Variants in DCDC2 observed in about 807,000 individuals in gnomAD.
The protein encoded by DCDC2 is doublecortin domain-containing protein 2.
Under a neutral mutation model 50.2 loss-of-function variants are expected in DCDC2, and 40 were observed. That is an observed-to-expected ratio of 0.80 (90% CI 0.62 to 1.04). The LOEUF (loss-of-function observed/expected upper bound fraction) is 1.04. DCDC2 is among the 50% of genes least tolerant of loss of function. The probability of loss-of-function intolerance (pLI) is 0.00; values close to 1 mark genes in which losing one functional copy is unlikely to be tolerated. For missense variants in DCDC2, 570 were observed against 581.9 expected, an observed-to-expected ratio of 0.98 and a Z score of 0.21; for synonymous variants, 234 against 210.6, an observed-to-expected ratio of 1.11 and a Z score of -0.96.
At chr6:24,303,393 G>A (rs1759417958) in intron 2 of DCDC2, among the ~76,000 whole-genome samples, 1 of 151,988 alleles carries the variant, frequency 6.6e-6, no homozygotes, top group African/African-American at 2.4e-5. Context: ...GAACCAGCCT[G>A]CTCCCCTCCA....
chr6:24,253,781 T>C (rs1260719671), intron 7 of DCDC2, among the ~76,000 whole-genome samples: 1 of 152,136 alleles, frequency 6.6e-6, no homozygotes, highest in African/African-American at 2.4e-5. Flanking sequence ...TCTGGGTGAG[T>C]CAGTGAGTCA....
chr6:24,261,214 T>TTC (rs1409252305), intron 7 of DCDC2, among the ~76,000 whole-genome samples: 1 of 151,676 alleles, frequency 6.6e-6, no homozygotes, highest in Non-Finnish European at 1.5e-5. Flanking sequence ...CTTTTTTTTT[T>TTC]TTTTTGGTGT....
rs6914340 is a variant in DCDC2, at chr6:24,271,360, G to A, written c.922+6689C>T. ...GTAAGGCAAGAAGCAAAGAGGCCCT[G>A]CTTAGAAGTAATGGGTAGCATCTAT... On this transcript the variant is annotated intron_variant, in intron 7 of 9. Transcript: ENST00000378454. Among the ~76,000 whole-genome samples the A allele has an allele frequency of 3.7e-3, 558 of 152,254 alleles. 2 individuals carry two copies. The highest frequency in any genetic ancestry group is 0.013 in the African/African-American group (522 of 41,530).
chr6:24,380,983 C>A, the DCDC2 span, among the ~76,000 whole-genome samples: 1 of 151,218 alleles, frequency 6.6e-6, no homozygotes, highest in Admixed American at 6.6e-5. Context: ...ACTTGGGAGG[C>A]TGAGGTGGGA....
chr6:24,289,406 A>G (rs970283125), intron 5 of DCDC2, among the ~76,000 whole-genome samples: 5 of 152,216 alleles, frequency 3.3e-5, no homozygotes, highest in African/African-American at 9.6e-5. Flanking sequence ...GGCTGTAAGA[A>G]TAAGTTGTTT....
At chr6:24,251,203 G>A (rs959390149) in intron 7 of DCDC2, among the ~76,000 whole-genome samples, 1 of 152,130 alleles carries the variant, frequency 6.6e-6, no homozygotes, top group Non-Finnish European at 1.5e-5. Context: ...CTAGCAAATC[G>A]CCTTGGTTGA....
intron 8 of DCDC2, among the ~76,000 whole-genome samples, chr6:24,194,400 C>A (rs1184130984): frequency 6.6e-6 from 1 of 152,102 alleles, no homozygotes; most frequent in Non-Finnish European, 1.5e-5. Context: ...TTTTTCAATT[C>A]TCATTATTTT....
chr6:24,301,052 T>TAA (rs11404583), intron 4 of DCDC2, among the ~76,000 whole-genome samples: 16,497 of 147,248 alleles, frequency 0.11, 1,195 homozygotes, highest in African/African-American at 0.22. Context: ...ATGACCCCTT[T>TAA]AAAAAAAAAA....
At chr6:24,185,726 CATAT>C (rs55962607) in intron 8 of DCDC2, among the ~76,000 whole-genome samples, 8 of 134,988 alleles carry the variant, frequency 5.9e-5, no homozygotes, top group African/African-American at 1.6e-4. Context: ...CACACACACA[CATAT>C]ACACACAGAT....
rs1377327863 is a variant in DCDC2, at chr6:24,253,775, G to GGTGAGTCA, written c.922+24266_922+24273dup. On this transcript the variant is annotated intron_variant, in intron 7 of 9. Coordinates refer to ENST00000378454, the MANE Select transcript of DCDC2 (RefSeq NM_016356.5). ...GCTTGCAGGACTAGAAGTTGCTCTG[G>GGTGAGTCA]GTGAGTCAGTGAGTCAGTGGTGAGT... 2.6e-5 allele frequency among the ~76,000 whole-genome samples: 4 copies of GGTGAGTCA among 152,248 alleles called. No homozygotes were observed. In the East Asian group the frequency reaches 7.7e-4, roughly 29 times the overall value.
intron 2 of DCDC2, among the ~76,000 whole-genome samples, chr6:24,343,277 C>T (rs1284705264): frequency 2.0e-5 from 3 of 151,980 alleles, no homozygotes; most frequent in African/African-American, 7.3e-5. Flanking sequence ...TCTCGATCTC[C>T]TGACTTCGTG....
At chr6:24,328,915 G>A (rs1232724102) in intron 2 of DCDC2, among the ~76,000 whole-genome samples, 1 of 152,154 alleles carries the variant, frequency 6.6e-6, no homozygotes, top group Non-Finnish European at 1.5e-5. Context: ...TCCGATACAT[G>A]ATAGATATTT....
intron 6 of DCDC2, among the ~76,000 whole-genome samples, chr6:24,278,542 A>G (rs807725): frequency 0.99 from 150,419 of 152,308 alleles, 74,305 homozygotes; most frequent in Middle Eastern, 1. Flanking sequence ...AGACACTACT[A>G]TTACCACGTC....
At chr6:24,222,260 G>A (rs567842815) in intron 7 of DCDC2, among the ~76,000 whole-genome samples, 2 of 152,258 alleles carry the variant, frequency 1.3e-5, no homozygotes, top group East Asian at 1.9e-4. Context: ...TCTAGCGGGC[G>A]CCTTGAAGAG....
chr6:24,308,920 G>C (rs1759523509), intron 2 of DCDC2, among the ~76,000 whole-genome samples: 2 of 152,100 alleles, frequency 1.3e-5, no homozygotes, highest in South Asian at 4.1e-4. Flanking sequence ...ACTGTTGCCA[G>C]ACCCATGCTA....
At chr6:24,193,165 GA>G (rs531518019) in intron 8 of DCDC2, among the ~76,000 whole-genome samples, 10 of 147,070 alleles carry the variant, frequency 6.8e-5, no homozygotes, top group South Asian at 6.4e-4. Flanking sequence ...TTTGATTAGA[GA>G]AAAAAAAAAG....
At chr6:24,192,258 A>T (rs565493564) in intron 8 of DCDC2, among the ~76,000 whole-genome samples, 4 of 152,322 alleles carry the variant, frequency 2.6e-5, no homozygotes, top group African/African-American at 9.6e-5. Context: ...CTTATCAACA[A>T]GGCAAAAGAC....
At chr6:24,340,241 C>T (rs2127247307) in intron 2 of DCDC2, among the ~76,000 whole-genome samples, 1 of 152,172 alleles carries the variant, frequency 6.6e-6, no homozygotes, top group South Asian at 2.1e-4. Context: ...TACATCATTC[C>T]TTCCAGGAAG....
At chr6:24,323,724 C>A (rs562921372) in intron 2 of DCDC2, among the ~76,000 whole-genome samples, 21 of 152,146 alleles carry the variant, frequency 1.4e-4, no homozygotes, top group African/African-American at 4.8e-4. Flanking sequence ...ATAAAAACTA[C>A]CACCTGAGGC....
Sources: gnomAD v4.1 joint callset for allele counts (sites outside exome capture counted in the v4.1 genomes callset) on GRCh38, gnomAD v4.1.1 for gene constraint, MANE v1.5 for transcripts, NCBI Gene and HGNC (gene_info 2026-07-23, HGNC 2026-07-21) for gene names.